The following XKR6 variants were observed in gnomAD, a reference collection of about 807,000 sequenced individuals.
XKR6 encodes XK related 6.
Under a neutral mutation model 56.7 loss-of-function variants are expected in XKR6, and 22 were observed. The ratio of observed to expected loss-of-function variants is 0.39; its 90% CI spans 0.28 to 0.55. The LOEUF (loss-of-function observed/expected upper bound fraction) is 0.55, where lower values mean the gene tolerates loss of function less well. XKR6 is among the 20% of genes least tolerant of loss of function. The pLI, the probability that XKR6 is intolerant of heterozygous loss-of-function variation, is 0.66. For synonymous variants in XKR6, 524 were observed against 387.8 expected, an observed-to-expected ratio of 1.35 and a Z score of -4.13; for missense variants, 852 against 889.0, an observed-to-expected ratio of 0.96 and a Z score of 0.53.
intron 1 of XKR6, among the ~76,000 whole-genome samples, chr8:11,115,758 C>T (rs1799140594): frequency 6.6e-6 from 1 of 152,208 alleles, no homozygotes; most frequent in African/African-American, 2.4e-5. Flanking sequence ...TTGTGTCCTA[C>T]TGCTCAAGAT....
chr8:11,064,712 C>T (rs1478533820), intron 1 of XKR6, among the ~76,000 whole-genome samples: 3 of 152,132 alleles, frequency 2.0e-5, no homozygotes, highest in African/African-American at 7.2e-5. Flanking sequence ...GAATTGTAAT[C>T]GTTCACAACA....
chr8:10,912,466 T>TATAG (rs1441092986), intron 2 of XKR6, among the ~76,000 whole-genome samples: 4 of 98,288 alleles, frequency 4.1e-5, no homozygotes, highest in East Asian at 3.0e-4. Flanking sequence ...TATATATATA[T>TATAG]AGAGAGAGAG....
intron 1 of XKR6, among the ~76,000 whole-genome samples, chr8:11,088,667 T>C (rs1797971850): frequency 6.6e-6 from 1 of 152,212 alleles, no homozygotes; most frequent in Non-Finnish European, 1.5e-5. Flanking sequence ...ATTCAAGTGA[T>C]GAGGATTAAA....
chr8:11,102,332 T>A (rs1352865391), intron 1 of XKR6, among the ~76,000 whole-genome samples: 1 of 152,146 alleles, frequency 6.6e-6, no homozygotes, highest in Non-Finnish European at 1.5e-5. Context: ...ATGCTTTGTG[T>A]CTTTTGCTTC....
chr8:11,072,522 C>T (rs1800158784), intron 1 of XKR6, among the ~76,000 whole-genome samples: 1 of 152,180 alleles, frequency 6.6e-6, no homozygotes, highest in Admixed American at 6.5e-5. Flanking sequence ...AGTTATGAGA[C>T]TTGCCCAAGG....
intron 1 of XKR6, among the ~76,000 whole-genome samples, chr8:11,166,964 G>A (rs1563188694): frequency 6.6e-6 from 1 of 152,184 alleles, no homozygotes. Flanking sequence ...TGATTGCCAG[G>A]GAGATACAGG....
At chr8:11,132,311 T>G (rs1040308774) in intron 1 of XKR6, among the ~76,000 whole-genome samples, 2 of 152,166 alleles carry the variant, frequency 1.3e-5, no homozygotes, top group African/African-American at 4.8e-5. Flanking sequence ...CAGTCTGTAC[T>G]AGTTTCCTCT....
intron 1 of XKR6, among the ~76,000 whole-genome samples, chr8:11,059,040 G>A (rs899428296): frequency 8.5e-5 from 13 of 152,202 alleles, no homozygotes; most frequent in African/African-American, 3.1e-4. Flanking sequence ...CAAGCCCTTG[G>A]GCCAGAAAGC....
chr8:11,005,166 C>A (rs899253978), intron 1 of XKR6, among the ~76,000 whole-genome samples: 1 of 133,534 alleles, frequency 7.5e-6, no homozygotes, highest in Non-Finnish European at 1.6e-5. Flanking sequence ...AGCATACATA[C>A]GTGGAACAAA....
At chr8:11,082,953 A>G (rs1797774226) in intron 1 of XKR6, among the ~76,000 whole-genome samples, 1 of 152,202 alleles carries the variant, frequency 6.6e-6, no homozygotes. Flanking sequence ...TGCTGCGGCC[A>G]GGTAGCCCTA....
At chr8:11,139,538 G>C (rs760837359) in intron 1 of XKR6, among the ~76,000 whole-genome samples, 25 of 152,108 alleles carry the variant, frequency 1.6e-4, no homozygotes, top group Admixed American at 4.6e-4. Flanking sequence ...CAGTCCGAGG[G>C]ACTAGATGAG....
At chr8:11,175,006 T>C (rs7010126) in intron 1 of XKR6, 8,720 of 152,264 alleles carry the variant, frequency 0.057, 273 homozygotes, top group Middle Eastern at 0.088. Flanking sequence ...ACTGAAAGAA[T>C]TTGTTGCTCT....
chr8:11,096,364 G>A (rs7835318), intron 1 of XKR6, among the ~76,000 whole-genome samples: 82,755 of 152,146 alleles, frequency 0.54, 25,175 homozygotes, highest in African/African-American at 0.8. Flanking sequence ...AAATTTGGTG[G>A]AACATTCAAA....
intron 2 of XKR6, among the ~76,000 whole-genome samples, chr8:10,902,412 G>A (rs149975100): frequency 1.2e-4 from 18 of 152,294 alleles, no homozygotes; most frequent in Admixed American, 1.2e-3. Flanking sequence ...GGCTTGGGTG[G>A]CTTGCTCAAG....
intron 2 of XKR6, among the ~76,000 whole-genome samples, chr8:10,917,939 A>T (rs1324087244): frequency 1.3e-5 from 2 of 152,224 alleles, no homozygotes; most frequent in Non-Finnish European, 2.9e-5. Context: ...GTGGGGAGAC[A>T]GGTAAACAGG....
At chr8:11,164,087 A>G (rs1363076379) in intron 1 of XKR6, among the ~76,000 whole-genome samples, 1 of 152,206 alleles carries the variant, frequency 6.6e-6, no homozygotes, top group Non-Finnish European at 1.5e-5. Context: ...GAAGATAAAC[A>G]GGGCCAGGCC....
intron 1 of XKR6, among the ~76,000 whole-genome samples, chr8:10,974,546 T>G (rs1282773766): frequency 6.6e-6 from 1 of 152,204 alleles, no homozygotes; most frequent in Non-Finnish European, 1.5e-5. Flanking sequence ...GAGCCATATC[T>G]TTTTGCAGGA....
intron 1 of XKR6, among the ~76,000 whole-genome samples, chr8:11,021,514 C>G (rs998263836): frequency 1.3e-5 from 2 of 152,124 alleles, no homozygotes; most frequent in Non-Finnish European, 1.5e-5. Flanking sequence ...CAGGGCCCAG[C>G]ACAATTCATT....
chr8:11,005,071 C>A (rs762490524), intron 1 of XKR6, among the ~76,000 whole-genome samples: 4 of 152,032 alleles, frequency 2.6e-5, no homozygotes, highest in Non-Finnish European at 4.4e-5. Context: ...TCAGTGGATG[C>A]CTGAAACCAC....
Sources: gnomAD v4.1 joint callset for allele counts (sites outside exome capture counted in the v4.1 genomes callset) on GRCh38, gnomAD v4.1.1 for gene constraint, MANE v1.5 for transcripts, NCBI Gene and HGNC (gene_info 2026-07-23, HGNC 2026-07-21) for gene names.